The following SCN9A variants were observed in gnomAD, a reference collection of about 807,000 sequenced individuals.
The protein encoded by SCN9A is sodium channel protein type 9 subunit alpha.
A neutral mutation model predicts 187.0 loss-of-function variants in SCN9A; 131 were observed. The ratio of observed to expected loss-of-function variants is 0.70; its 90% CI spans 0.61 to 0.81. The LOEUF is 0.81. SCN9A is among the 30% of genes least tolerant of loss of function. The pLI is 0.00. For synonymous variants in SCN9A, 809 were observed against 808.6 expected (o/e 1.00, Z -0.01); for missense variants, 2,252 against 2,396.6 (o/e 0.94, Z 1.26).
At chr2:166,345,877 C>A (rs1699888931) in intron 1 of SCN9A, among the ~76,000 whole-genome samples, 1 of 152,148 alleles carries the variant, frequency 6.6e-6, no homozygotes, top group African/African-American at 2.4e-5. Context: ...AGGAAGAAAG[C>A]AACTGTTTAA....
intron 1 of SCN9A, among the ~76,000 whole-genome samples, chr2:166,370,077 C>T (rs1700512208): frequency 6.6e-6 from 1 of 151,750 alleles, no homozygotes; most frequent in African/African-American, 2.4e-5. Context: ...AAAGTATAGA[C>T]TCTCAAGAAG....
At position 166,242,530 on chromosome 2, in the gene SCN9A, A is replaced by C. The variant is rs1342493346; in HGVS notation, c.3599T>G (p.Leu1200Arg). The C allele has an allele frequency of 6.3e-7, 1 of 1,597,252 alleles. No individual in the cohort carries two copies. Among genetic ancestry groups the C allele is most frequent in the Non-Finnish European group, 8.5e-7 (1 of 1,171,358 alleles). Reference sequence around the variant, plus strand: ...GGCACCACTGCTGAGCAGGATCATGAGGACAATGAAGCTTTCAAACCAACT... The same window carrying C: ...GGCACCACTGCTGAGCAGGATCATGCGGACAATGAAGCTTTCAAACCAACT... ...EHSWFESFIV[L>R]MILLSSGALA... The change falls in exon 19 of 27, where the codon CTC (leucine) becomes CGC (arginine). Residue 1200 changes from leucine to arginine, a missense_variant. Physicochemically the swap from Leu to Arg is moderately radical, Grantham distance 102. Coordinates refer to ENST00000642356, the MANE Select transcript of SCN9A (RefSeq NM_001365536.1).
chr2:166,360,219 C>CAAAAAAAAAAAAAAAAAAAAAAA (rs1251018524), intron 1 of SCN9A, among the ~76,000 whole-genome samples: 1 of 24,042 alleles, frequency 4.2e-5, no homozygotes, highest in Admixed American at 4.3e-4. Context: ...AACTCTGTCT[C>CAAAAAAAAAAAAAAAAAAAAAAA]AAAAAAAAAA....
intron 24 of SCN9A, among the ~76,000 whole-genome samples, chr2:166,220,071 C>T (rs1242511520): frequency 1.3e-5 from 2 of 152,124 alleles, no homozygotes; most frequent in African/African-American, 4.8e-5. Context: ...TGATCATGTA[C>T]TACGACCAAG....
chr2:166,275,001 T>G (rs1369533709), intron 16 of SCN9A, among the ~76,000 whole-genome samples: 1 of 152,188 alleles, frequency 6.6e-6, no homozygotes, highest in Non-Finnish European at 1.5e-5. Flanking sequence ...ATAAGCATCT[T>G]AAAAACAAGG....
chr2:166,318,884 T>G (rs1699173161), intron 1 of SCN9A, among the ~76,000 whole-genome samples: 1 of 152,062 alleles, frequency 6.6e-6, no homozygotes, highest in Non-Finnish European at 1.5e-5. Context: ...ATTAAAAAAG[T>G]ACAAAATAAA....
At chr2:166,211,392 A>C in intron 24 of SCN9A, among the ~76,000 whole-genome samples, 1 of 152,164 alleles carries the variant, frequency 6.6e-6, no homozygotes, top group East Asian at 1.9e-4. Flanking sequence ...GGAAATGCTA[A>C]AGTGAGTTCT....
chr2:166,250,150 T>C (rs777138025), intron 18 of SCN9A, among the ~76,000 whole-genome samples: 8 of 152,136 alleles, frequency 5.3e-5, no homozygotes, highest in Non-Finnish European at 7.4e-5. Flanking sequence ...TTTGCTGATG[T>C]CTTTATTTTC....
At chr2:166,341,950 T>C (rs1699795823) in intron 1 of SCN9A, among the ~76,000 whole-genome samples, 1 of 152,206 alleles carries the variant, frequency 6.6e-6, no homozygotes, top group African/African-American at 2.4e-5. Flanking sequence ...ATCTCTCTTA[T>C]ATTGTTTTGT....
At chr2:166,234,296 C>G (rs954406298) in intron 20 of SCN9A, among the ~76,000 whole-genome samples, 1 of 152,096 alleles carries the variant, frequency 6.6e-6, no homozygotes, top group East Asian at 1.9e-4. Context: ...TGAATTAGTT[C>G]CATGGAAAAT....
intron 1 of SCN9A, among the ~76,000 whole-genome samples, chr2:166,338,847 T>G (rs1352731799): frequency 6.6e-6 from 1 of 152,142 alleles, no homozygotes; most frequent in East Asian, 1.9e-4. Flanking sequence ...ACTAAAGCGT[T>G]ATCTATGGAA....
chr2:166,250,514 G>A (rs1340400792), intron 18 of SCN9A, among the ~76,000 whole-genome samples: 1 of 152,074 alleles, frequency 6.6e-6, no homozygotes, highest in Non-Finnish European at 1.5e-5. Flanking sequence ...AGGCAGATAA[G>A]TCGGCAAATT....
At chr2:166,314,978 T>A (rs6718922) in intron 1 of SCN9A, among the ~76,000 whole-genome samples, 2 of 152,146 alleles carry the variant, frequency 1.3e-5, no homozygotes, top group East Asian at 1.9e-4. Context: ...GTAAATTATA[T>A]CTTAATAAAA....
rs150974396 is a variant in SCN9A at position 166,237,345 on chromosome 2, C to T, written c.3801+749G>A. Reference sequence around the variant, plus strand: ...GAAGCCTGTAAAAATATTTCTACTTCGTTAAAATAATATGTAAACTAAAGA... The same window carrying T: ...GAAGCCTGTAAAAATATTTCTACTTTGTTAAAATAATATGTAAACTAAAGA... On this transcript the variant is annotated intron_variant, in intron 20 of 26. Coordinates refer to ENST00000642356, the MANE Select transcript of SCN9A (RefSeq NM_001365536.1). Among the ~76,000 whole-genome samples, 282 of 151,954 alleles carry T rather than the reference C, an allele frequency of 1.9e-3. 1 individual carries two copies. The highest frequency in any genetic ancestry group is 6.4e-3 in the African/African-American group (266 of 41,490).
At chr2:166,347,917 T>C (rs966546602) in intron 1 of SCN9A, among the ~76,000 whole-genome samples, 10 of 152,042 alleles carry the variant, frequency 6.6e-5, no homozygotes, top group African/African-American at 2.4e-4. Flanking sequence ...AAAAAACACA[T>C]AGGATCGGAG....
chr2:166,277,611 A>G (rs1697295015), intron 15 of SCN9A: 1 of 334,580 alleles, frequency 3.0e-6, no homozygotes, highest in Admixed American at 4.3e-5. Context: ...ATAATTTGTG[A>G]TATTTTTCTT....
At chr2:166,249,126 C>T (rs1479397446) in intron 18 of SCN9A, among the ~76,000 whole-genome samples, 1 of 152,102 alleles carries the variant, frequency 6.6e-6, no homozygotes, top group Non-Finnish European at 1.5e-5. Context: ...GCACGGCCCC[C>T]TTCAATTTTC....
intron 15 of SCN9A, chr2:166,277,677 C>T (rs1697298021): frequency 8.4e-6 from 2 of 237,774 alleles, no homozygotes; most frequent in Non-Finnish European, 1.6e-5. Flanking sequence ...TACATTTTCT[C>T]ATGCCGACAC....
chr2:166,200,523 T>TCAA (rs59941409), intron 26 of SCN9A, among the ~76,000 whole-genome samples: 11,034 of 152,254 alleles, frequency 0.072, 456 homozygotes, highest in Non-Finnish European at 0.093. Context: ...ACCTGAAATG[T>TCAA]CAACAATAAC....
Sources: gnomAD v4.1 joint callset for allele counts (sites outside exome capture counted in the v4.1 genomes callset) on GRCh38, gnomAD v4.1.1 for gene constraint, MANE v1.5 for transcripts, NCBI Gene and HGNC (gene_info 2026-07-23, HGNC 2026-07-21) for gene names.